Variants in PPP2R3C observed in about 807,000 individuals in gnomAD.
PPP2R3C encodes serine/threonine-protein phosphatase 2A regulatory subunit B'' subunit gamma.
PPP2R3C carries 47 observed loss-of-function variants against 63.7 expected under a neutral mutation model. The observed-to-expected ratio is 0.74, with a 90% CI of 0.58 to 0.94. The LOEUF (loss-of-function observed/expected upper bound fraction) is 0.94. PPP2R3C is among the 40% of genes least tolerant of loss of function. The pLI, the probability that PPP2R3C is intolerant of heterozygous loss-of-function variation, is 0.00. For synonymous variants in PPP2R3C, 180 were observed against 177.4 expected, an observed-to-expected ratio of 1.01 and a Z score of -0.12; for missense variants, 421 against 518.4, an observed-to-expected ratio of 0.81 and a Z score of 1.82.
intron 5 of PPP2R3C, chr14:35,107,625 C>T (rs1300516029): frequency 2.1e-6 from 1 of 466,672 alleles, no homozygotes; most frequent in Non-Finnish European, 3.9e-6. Context: ...TTCCACCAAA[C>T]AGGGACAGCT....
At chr14:35,093,195 AGAGG>A (rs560051440) in intron 10 of PPP2R3C, among the ~76,000 whole-genome samples, 2,178 of 152,230 alleles carry the variant, frequency 0.014, 64 homozygotes, top group African/African-American at 0.051. Context: ...CCTGGGCGAC[AGAGG>A]GAGACTCCAT....
chr14:35,105,739 T>C (rs961540203), intron 6 of PPP2R3C, among the ~76,000 whole-genome samples: 1 of 152,132 alleles, frequency 6.6e-6, no homozygotes, highest in African/African-American at 2.4e-5. Flanking sequence ...GGCCCTTGTG[T>C]AGTCGTGCAT....
intron 1 of PPP2R3C, among the ~76,000 whole-genome samples, chr14:35,117,452 A>G (rs2046741333): frequency 6.6e-6 from 1 of 152,242 alleles, no homozygotes; most frequent in East Asian, 1.9e-4. Context: ...TTCTATGACA[A>G]GATCACAGAT....
intron 12 of PPP2R3C, chr14:35,087,607 C>G (rs10148691): frequency 0.18 from 38,165 of 215,490 alleles, 3,800 homozygotes; most frequent in East Asian, 0.31. Flanking sequence ...ACCATGTTGA[C>G]CAGGCTGGTC....
At chr14:35,109,048 T>C (rs1338949162) in intron 4 of PPP2R3C, among the ~76,000 whole-genome samples, 2 of 152,086 alleles carry the variant, frequency 1.3e-5, no homozygotes, top group South Asian at 2.1e-4. Context: ...GAAAGTGTCA[T>C]AAACTATATT....
At chr14:35,122,090 C>CG (rs1230652552), upstream of PPP2R3C, 1 of 937,702 alleles carries the variant, frequency 1.1e-6, no homozygotes, top group Non-Finnish European at 1.7e-6. Flanking sequence ...TGATCGAGGG[C>CG]GGAAGTCTTG....
chr14:35,113,648 C>G (rs2046628523), intron 2 of PPP2R3C, among the ~76,000 whole-genome samples: 2 of 152,158 alleles, frequency 1.3e-5, no homozygotes, highest in Admixed American at 1.3e-4. Flanking sequence ...ACCATAATGT[C>G]CAAACCATGC....
Position 35,091,063 on chromosome 14 carries a change from G to C in PPP2R3C, c.1113+7C>G, listed in dbSNP as rs757528950. The C allele has an allele frequency of 2.5e-6, 4 of 1,598,618 alleles. No individual in the cohort carries two copies. On this transcript the variant is annotated splice_region_variant and intron_variant, in intron 11 of 12. Coordinates refer to ENST00000261475, the MANE Select transcript of PPP2R3C (RefSeq NM_017917.4). ...AACAATGACTCACTTATGCAAATGA[G>C]ACTTACCCTAAAGAAATAATTAAGT...
At chr14:35,095,274 AT>A in intron 9 of PPP2R3C, 90 bp from the exon 10 acceptor site, 1 of 1,319,760 alleles carries the variant, frequency 7.6e-7, no homozygotes, top group South Asian at 1.4e-5. Context: ...CTTGGTTAAT[AT>A]TTTGATTTTC....
chr14:35,087,785 T>C, intron 12 of PPP2R3C, 166 bp downstream of exon 12: 2 of 609,708 alleles, frequency 3.3e-6, no homozygotes, highest in Non-Finnish European at 2.9e-6. Context: ...ACATAAATAG[T>C]CCAAATGTGG....
At chr14:35,092,529 C>G (rs185107679) in intron 10 of PPP2R3C, among the ~76,000 whole-genome samples, 1 of 152,150 alleles carries the variant, frequency 6.6e-6, no homozygotes, top group East Asian at 1.9e-4. Context: ...TGCAATGGCG[C>G]GATCCTGGCT....
At chr14:35,110,226 T>A (rs1234671545) in intron 3 of PPP2R3C, 1 of 441,570 alleles carries the variant, frequency 2.3e-6, no homozygotes, top group African/African-American at 2.0e-5. Flanking sequence ...TTGCCTAAAG[T>A]CATATAGCAG....
At chr14:35,117,346 G>A (rs1158857507) in intron 1 of PPP2R3C, among the ~76,000 whole-genome samples, 1 of 152,128 alleles carries the variant, frequency 6.6e-6, no homozygotes, top group Non-Finnish European at 1.5e-5. Context: ...TCTTCACAAG[G>A]TCCTGCAATC....
intron 6 of PPP2R3C, chr14:35,101,928 T>C (rs2046205078): frequency 6.6e-6 from 1 of 152,122 alleles, no homozygotes; most frequent in Non-Finnish European, 1.5e-5. Context: ...AAAATTTAGC[T>C]GAATTTATTG....
intron 2 of PPP2R3C, chr14:35,112,856 G>C (rs2046606764): frequency 6.6e-6 from 1 of 152,324 alleles, no homozygotes; most frequent in Non-Finnish European, 1.5e-5. Flanking sequence ...CTTTCTGTTT[G>C]ATCCCAGGTC....
In PPP2R3C at chr14:35,116,605, C is replaced by G. The variant is rs756973158; in HGVS notation, c.186+5G>C. 1 of 1,582,738 alleles carries G rather than the reference C, an allele frequency of 6.3e-7. No individual in the cohort carries two copies. The highest frequency in any genetic ancestry group is 1.8e-5 in the Admixed American group (1 of 55,016). On this transcript the variant is annotated splice_donor_5th_base_variant and intron_variant, in intron 2 of 12. Transcript: ENST00000261475. ...CTGCAGGACATTTGATTAGACACTACTTACCCTATAATAAAACCGGGGAAT... is the reference window on the plus strand; with the variant it reads ...CTGCAGGACATTTGATTAGACACTAGTTACCCTATAATAAAACCGGGGAAT...
Position 35,095,140 on chromosome 14 carries a change from T to G in PPP2R3C, c.883A>C (p.Lys295Gln). Residue 295 changes from lysine to glutamine, a missense_variant, in exon 10 of 13, where the codon AAA becomes CAA. By Grantham distance (53) the Lys-to-Gln change is moderately conservative. This residue lies in a region of PPP2R3C where 231 missense variants were observed against 264.8 expected (regional missense o/e 0.87). Transcript: ENST00000261475. ...LDKDHNGMLS[K>Q]EELSRYGTAT... ...GTTCCATAGCGTGAGAGTTCTTCTTTACTGAGCATGCCATTGTGATCTTTA... is the reference window on the plus strand; with the variant it reads ...GTTCCATAGCGTGAGAGTTCTTCTTGACTGAGCATGCCATTGTGATCTTTA... The G allele has an allele frequency of 3.7e-6, 6 of 1,613,556 alleles. No homozygotes were observed. Among genetic ancestry groups the G allele is most frequent in the Non-Finnish European group, 5.1e-6 (6 of 1,179,464 alleles).
intron 1 of PPP2R3C, among the ~76,000 whole-genome samples, chr14:35,120,500 C>T (rs1021947451): frequency 6.6e-6 from 1 of 152,072 alleles, no homozygotes; most frequent in African/African-American, 2.4e-5. Context: ...CCGCCTCGGC[C>T]TCCCAAAGTG....
chr14:35,117,722 T>C (rs1192060511), intron 1 of PPP2R3C, among the ~76,000 whole-genome samples: 1 of 152,036 alleles, frequency 6.6e-6, no homozygotes, highest in East Asian at 1.9e-4. Flanking sequence ...GAGATGGAGC[T>C]TCACTCTTGT....
Sources: gnomAD v4.1 joint callset for allele counts (sites outside exome capture counted in the v4.1 genomes callset) on GRCh38, gnomAD v4.1.1 for gene constraint, gnomAD v4.1.1 regional missense constraint, MANE v1.5 for transcripts, NCBI Gene and HGNC (gene_info 2026-07-23, HGNC 2026-07-21) for gene names.